OGA: variants seen among roughly 807,000 people sequenced by gnomAD.
OGA encodes protein O-GlcNAcase.
OGA carries 21 observed loss-of-function variants against 102.0 expected under a neutral mutation model. The ratio of observed to expected loss-of-function variants is 0.21; its 90% confidence interval spans 0.15 to 0.30. The LOEUF (loss-of-function observed/expected upper bound fraction) is 0.30. Ranked by LOEUF, OGA falls within the 10% of genes least tolerant of loss-of-function variation. The probability of loss-of-function intolerance (pLI) is 1.00; values close to 1 mark genes in which losing one functional copy is unlikely to be tolerated. For synonymous variants in OGA, 408 were observed against 378.2 expected (o/e 1.08, Z -0.91); for missense variants, 765 against 1,107.8 (o/e 0.69, Z 4.39).
rs999095319 is a variant in OGA at position 101,818,131 on chromosome 10, C to A, written c.-109G>T. 7.5e-5 allele frequency: 105 copies of A among 1,393,006 alleles called. No homozygotes were observed. The highest frequency in any genetic ancestry group is 9.3e-5 in the Non-Finnish European group (100 of 1,075,212). The allele number at this position is 1,393,006 out of a possible 1,614,324, so 86.3% of individuals were successfully genotyped here. Reference sequence around the variant, plus strand: ...GCTTCAGCTCCAAGTGTGCGCCCCTCCGGCTCCTTCCCCTCCCCCTCTGCC... The same window carrying A: ...GCTTCAGCTCCAAGTGTGCGCCCCTACGGCTCCTTCCCCTCCCCCTCTGCC... On this transcript the variant is annotated 5_prime_UTR_variant, in exon 1 of 16. Coordinates refer to ENST00000361464, the MANE Select transcript of OGA (RefSeq NM_012215.5).
At chr10:101,808,251 C>A (rs2065501820) in intron 4 of OGA, among the ~76,000 whole-genome samples, 1 of 152,104 alleles carries the variant, frequency 6.6e-6, no homozygotes, top group Non-Finnish European at 1.5e-5. Flanking sequence ...ATGAGCATTT[C>A]CTTTGAATTT....
intron 14 of OGA, among the ~76,000 whole-genome samples, chr10:101,788,799 C>T (rs1228013874): frequency 1.3e-5 from 2 of 151,760 alleles, no homozygotes; most frequent in African/African-American, 4.8e-5. Context: ...AGGAAAAGGA[C>T]ATTAGCAGAA....
intron 8 of OGA, 96 bp from the exon 9 acceptor site, chr10:101,799,551 T>C: frequency 1.5e-6 from 2 of 1,295,232 alleles, no homozygotes; most frequent in South Asian, 1.5e-5. Context: ...TTTATCATAT[T>C]TGTTAAGTGG....
In OGA at chr10:101,798,880, C is replaced by T. The variant is rs1172481276; in HGVS notation, c.1771G>A (p.Val591Ile). Residue 591 changes from valine (V) to isoleucine (I), a missense_variant, in exon 9 of 16, where the codon GTT (valine) becomes ATT (isoleucine). Val to Ile is a conservative substitution (Grantham distance 29). Transcript: ENST00000361464. ...TTTCCTTTGCAATTGACACTGACAACACTACTATTTGCTCGAAGCCATTGA... is the reference window on the plus strand; with the variant it reads ...TTTCCTTTGCAATTGACACTGACAATACTACTATTTGCTCGAAGCCATTGA... ...EFQWLRANSS[V>I]VSVNCKGKDS... 6.2e-7 allele frequency: 1 copy of T among 1,614,098 alleles called. No homozygotes were observed. Among genetic ancestry groups the T allele is most frequent in the Non-Finnish European group, 8.5e-7 (1 of 1,179,978 alleles).
intron 1 of OGA, among the ~76,000 whole-genome samples, chr10:101,814,874 AC>A (rs1346362093): frequency 6.6e-6 from 1 of 152,178 alleles, no homozygotes; most frequent in African/African-American, 2.4e-5. Flanking sequence ...CAGACCGATA[AC>A]CTAAATGGTT....
At chr10:101,789,475 G>A (rs1589822634) in intron 14 of OGA, among the ~76,000 whole-genome samples, 2 of 152,172 alleles carry the variant, frequency 1.3e-5, no homozygotes, top group Admixed American at 1.3e-4. Flanking sequence ...TCCAGCCTGG[G>A]CAACAAGAGC....
intron 5 of OGA, among the ~76,000 whole-genome samples, chr10:101,807,091 T>A (rs2065485735): frequency 6.6e-6 from 1 of 152,180 alleles, no homozygotes; most frequent in South Asian, 2.1e-4. Flanking sequence ...AACTTCTGGG[T>A]ACTAATGTAG....
chr10:101,805,227 CTCTATGTTG>C (rs796967553), intron 6 of OGA, among the ~76,000 whole-genome samples: 39 of 152,212 alleles, frequency 2.6e-4, no homozygotes, highest in African/African-American at 9.1e-4. Flanking sequence ...TCTACAGTCT[CTCTATGTTG>C]TCTAAGCTGG....
chr10:101,815,775 T>C (rs1009465795), intron 1 of OGA, among the ~76,000 whole-genome samples: 2 of 151,826 alleles, frequency 1.3e-5, no homozygotes, highest in African/African-American at 4.8e-5. Flanking sequence ...CTTGGCTCTT[T>C]TGAGAGTCAG....
At chr10:101,787,327 T>C in intron 15 of OGA, 37 bp downstream of exon 15, 1 of 1,536,638 alleles carries the variant, frequency 6.5e-7, no homozygotes, top group Non-Finnish European at 8.8e-7. Flanking sequence ...TTCCCTATCT[T>C]GCCCAAATAC....
Position 101,818,213 on chromosome 10 carries a change from C to G in OGA, c.-191G>C. On this transcript the variant is annotated 5_prime_UTR_variant, in exon 1 of 16. Transcript: ENST00000361464. ...GCCCGGATGAGAAGGGCGGCGGCAC[C>G]GGCGCGAGCCCTTTGTCAGCCGCAG... is the stretch of plus-strand genomic sequence containing the variant. 1 of 1,341,666 alleles carries G rather than the reference C, an allele frequency of 7.5e-7. No homozygotes were observed. The highest frequency in any genetic ancestry group is 1.9e-5 in the South Asian group (1 of 52,190). 83.1% of individuals were successfully genotyped at this position (1,341,666 alleles called of 1,614,324 possible). A position where few individuals can be genotyped will look rare whatever the true frequency, so the allele number is the denominator to read the frequency against.
chr10:101,812,258 C>T (rs2065568228), intron 3 of OGA, among the ~76,000 whole-genome samples: 1 of 152,088 alleles, frequency 6.6e-6, no homozygotes, highest in African/African-American at 2.4e-5. Flanking sequence ...CCATAGCAGG[C>T]CGGCCGGGCA....
At position 101,787,238 on chromosome 10, in the gene OGA, C is replaced by A. The variant is rs2065201802; in HGVS notation, c.2614+126G>T. ...TCTTCACCACTAATTAATTCAGAAA[C>A]CAAATCATAAAAGGTGGGAAAAGCA... On this transcript the variant is annotated intron_variant, in intron 15 of 15. Transcript: ENST00000361464. The A allele has an allele frequency of 3.8e-6, 4 of 1,060,890 alleles. No homozygotes were observed. In the South Asian group the frequency reaches 8.0e-5, roughly 21 times the overall value. 65.7% of individuals were successfully genotyped at this position (1,060,890 alleles called of 1,614,324 possible).
At position 101,791,002 on chromosome 10, in the gene OGA, G is replaced by A; in HGVS notation, c.2348C>T (p.Thr783Ile). ...EDGICGYALG[T>I]VDVTPFIKKC... The stretch of plus-strand genomic sequence containing the variant: ...TTTAATAAAGGGGGTCACATCTACA[G>A]TGCCCAAGGCATAACCACATATGCC... The change falls in exon 14 of 16, where the codon ACT becomes ATT. Residue 783 changes from threonine (T) to isoleucine (I), a missense_variant. Transcript: ENST00000361464. 1 of 1,613,986 alleles carries A rather than the reference G, an allele frequency of 6.2e-7. No homozygotes were observed. The highest frequency in any genetic ancestry group is 8.5e-7 in the Non-Finnish European group (1 of 1,179,946).
At chr10:101,803,614 G>A (rs936224020) in intron 7 of OGA, 121 bp downstream of exon 7, 4 of 1,099,650 alleles carry the variant, frequency 3.6e-6, no homozygotes, top group Admixed American at 2.8e-5. Flanking sequence ...AACAAAATAC[G>A]TTTTTAAAAA....
intron 1 of OGA, among the ~76,000 whole-genome samples, chr10:101,816,126 C>T (rs1456321063): frequency 6.6e-6 from 1 of 152,034 alleles, no homozygotes; most frequent in African/African-American, 2.4e-5. Flanking sequence ...AAAAAATTAG[C>T]CGGGCCCGTG....
At chr10:101,812,913 A>G (rs751655075) in intron 3 of OGA, 117 bp downstream of exon 3, 4 of 861,278 alleles carry the variant, frequency 4.6e-6, no homozygotes, top group Non-Finnish European at 7.8e-6. Context: ...GATAGAAGAA[A>G]AGGAAACTAC....
intron 11 of OGA, among the ~76,000 whole-genome samples, chr10:101,793,275 C>T (rs1464022899): frequency 6.6e-6 from 1 of 152,154 alleles, no homozygotes; most frequent in East Asian, 1.9e-4. Context: ...TAGACCATCT[C>T]CCTACGATAA....
At chr10:101,800,540 A>C in intron 7 of OGA, 140 bp from the exon 8 acceptor site, 1 of 658,508 alleles carries the variant, frequency 1.5e-6, no homozygotes, top group Non-Finnish European at 2.5e-6. Flanking sequence ...CTTAAACATA[A>C]AAATTCAAAT....
Sources: gnomAD v4.1 joint callset for allele counts (sites outside exome capture counted in the v4.1 genomes callset) on GRCh38, gnomAD v4.1.1 for gene constraint, MANE v1.5 for transcripts, NCBI Gene and HGNC (gene_info 2026-07-23, HGNC 2026-07-21) for gene names.